The following HCN1 variants were observed in gnomAD, a reference collection of about 807,000 sequenced individuals.
The protein encoded by HCN1 is hyperpolarization activated cyclic nucleotide gated potassium channel 1.
Under a neutral mutation model 78.9 loss-of-function variants are expected in HCN1, and 13 were observed. That is an observed-to-expected ratio of 0.16 (90% CI 0.11 to 0.26). The LOEUF (loss-of-function observed/expected upper bound fraction) is 0.26, where lower values mean the gene tolerates loss of function less well. Ranked by LOEUF, HCN1 falls within the 10% of genes least tolerant of loss-of-function variation. HCN1 has a pLI of 1.00. For synonymous variants in HCN1, 552 were observed against 455.5 expected, an observed-to-expected ratio of 1.21 and a Z score of -2.70; for missense variants, 810 against 1,154.3, an observed-to-expected ratio of 0.70 and a Z score of 4.32.
chr5:45,408,609 T>C (rs1288293064), intron 3 of HCN1, among the ~76,000 whole-genome samples: 1 of 152,184 alleles, frequency 6.6e-6, no homozygotes, highest in Admixed American at 6.6e-5. Flanking sequence ...AGAGTGTTTC[T>C]TCATCTTTCT....
intron 2 of HCN1, among the ~76,000 whole-genome samples, chr5:45,535,079 C>G (rs1742938793): frequency 6.6e-6 from 1 of 151,936 alleles, no homozygotes; most frequent in African/African-American, 2.4e-5. Context: ...CACTATAAAA[C>G]CAAAAACAAT....
intron 4 of HCN1, among the ~76,000 whole-genome samples, chr5:45,353,973 A>G (rs2111984031): frequency 6.6e-6 from 1 of 151,996 alleles, no homozygotes; most frequent in East Asian, 1.9e-4. Context: ...CTTCAGGCTT[A>G]ATTCCCGAGA....
At chr5:45,522,845 T>A (rs1302200564) in intron 2 of HCN1, among the ~76,000 whole-genome samples, 4 of 151,870 alleles carry the variant, frequency 2.6e-5, no homozygotes, top group African/African-American at 9.7e-5. Context: ...CACATCTTTT[T>A]TTTTCCTTTT....
At chr5:45,376,168 T>A (rs1281100831) in intron 4 of HCN1, among the ~76,000 whole-genome samples, 1 of 22,900 alleles carries the variant, frequency 4.4e-5, no homozygotes, top group Non-Finnish European at 8.2e-5. Flanking sequence ...TATTTTATAA[T>A]ATATAATATA....
At chr5:45,493,201 T>A (rs1579928240) in intron 2 of HCN1, among the ~76,000 whole-genome samples, 2 of 152,204 alleles carry the variant, frequency 1.3e-5, no homozygotes, top group Admixed American at 1.3e-4. Context: ...TTTATTTATT[T>A]TGCATAATTG....
intron 2 of HCN1, among the ~76,000 whole-genome samples, chr5:45,517,640 A>G (rs1742539511): frequency 6.6e-6 from 1 of 151,870 alleles, no homozygotes; most frequent in Admixed American, 6.6e-5. Flanking sequence ...GTCAGTCAAA[A>G]TATCGGCTTT....
At chr5:45,551,067 A>T (rs946915163) in intron 2 of HCN1, among the ~76,000 whole-genome samples, 1 of 152,026 alleles carries the variant, frequency 6.6e-6, no homozygotes, top group Non-Finnish European at 1.5e-5. Context: ...ACAACTCATT[A>T]TCCCTATTCT....
intron 2 of HCN1, among the ~76,000 whole-genome samples, chr5:45,512,948 T>C (rs1742442705): frequency 6.6e-6 from 1 of 152,112 alleles, no homozygotes; most frequent in Non-Finnish European, 1.5e-5. Flanking sequence ...ATTTACTAAG[T>C]TCCAACTCAC....
intron 2 of HCN1, chr5:45,644,829 C>T (rs954835034): frequency 2.1e-4 from 58 of 274,512 alleles, no homozygotes; most frequent in Admixed American, 1.0e-3. Flanking sequence ...TCAGACCCTA[C>T]ACATCTTTAT....
intron 2 of HCN1, among the ~76,000 whole-genome samples, chr5:45,612,127 T>G (rs1456478187): frequency 6.6e-6 from 1 of 152,204 alleles, no homozygotes; most frequent in Non-Finnish European, 1.5e-5. Flanking sequence ...TTCTGCAGTC[T>G]TGATTTAATT....
intron 2 of HCN1, among the ~76,000 whole-genome samples, chr5:45,582,427 T>G (rs542900843): frequency 1.3e-5 from 2 of 152,100 alleles, no homozygotes; most frequent in African/African-American, 2.4e-5. Context: ...TGGGCTGAGA[T>G]GATGGGGTTT....
At chr5:45,313,779 C>T (rs1279119761) in intron 5 of HCN1, among the ~76,000 whole-genome samples, 2 of 151,930 alleles carry the variant, frequency 1.3e-5, no homozygotes, top group Non-Finnish European at 2.9e-5. Context: ...GACTGAAGAT[C>T]AAATTAATGA....
chr5:45,659,638 C>G (rs1301928783), intron 1 of HCN1, among the ~76,000 whole-genome samples: 1 of 143,730 alleles, frequency 7.0e-6, no homozygotes, highest in Non-Finnish European at 1.5e-5. Context: ...AACCAAGGCT[C>G]GAGAACTACG....
chr5:45,652,886 A>C (rs1745703852), intron 1 of HCN1, among the ~76,000 whole-genome samples: 1 of 151,878 alleles, frequency 6.6e-6, no homozygotes. Flanking sequence ...AATATTTTTC[A>C]AATTCAGCTT....
chr5:45,632,254 TC>T (rs1745281044), intron 2 of HCN1, among the ~76,000 whole-genome samples: 1 of 151,854 alleles, frequency 6.6e-6, no homozygotes, highest in African/African-American at 2.4e-5. Context: ...AAATAGGACT[TC>T]CTTGATCCAA....
chr5:45,350,243 C>T (rs964101771), intron 5 of HCN1, among the ~76,000 whole-genome samples: 4 of 152,024 alleles, frequency 2.6e-5, no homozygotes, highest in African/African-American at 9.7e-5. Flanking sequence ...TAAATGTAAT[C>T]CAGCAAATAA....
chr5:45,569,267 C>T (rs1004883511), intron 2 of HCN1, among the ~76,000 whole-genome samples: 10 of 152,082 alleles, frequency 6.6e-5, no homozygotes, highest in Admixed American at 5.9e-4. Flanking sequence ...ACTTTATATG[C>T]TTTGTTTTTC....
At chr5:45,602,826 G>T (rs562329289) in intron 2 of HCN1, among the ~76,000 whole-genome samples, 1 of 152,020 alleles carries the variant, frequency 6.6e-6, no homozygotes, top group Non-Finnish European at 1.5e-5. Flanking sequence ...AAAAATTTAG[G>T]TTCTTTTGTG....
chr5:45,668,857 G>A (rs900051053), intron 1 of HCN1, among the ~76,000 whole-genome samples: 9 of 151,660 alleles, frequency 5.9e-5, no homozygotes, highest in South Asian at 2.1e-4. Context: ...AGCCAAAATC[G>A]TGGTCCACTA....
Sources: gnomAD v4.1 joint callset for allele counts (sites outside exome capture counted in the v4.1 genomes callset) on GRCh38, gnomAD v4.1.1 for gene constraint, MANE v1.5 for transcripts, NCBI Gene and HGNC (gene_info 2026-07-23, HGNC 2026-07-21) for gene names.